Variants in PARD3B observed in about 807,000 individuals in gnomAD.
PARD3B encodes partitioning defective 3 homolog B.
Under a neutral mutation model 130.2 loss-of-function variants are expected in PARD3B, and 103 were observed. That is an observed-to-expected ratio of 0.79 (90% confidence interval 0.67 to 0.93). The LOEUF (loss-of-function observed/expected upper bound fraction) is 0.93, where lower values mean the gene tolerates loss of function less well. Among genes scored for constraint, PARD3B ranks in the 40% least tolerant of loss-of-function variants. PARD3B has a pLI of 0.00. For synonymous variants in PARD3B, 583 were observed against 553.2 expected (o/e 1.05, Z -0.76); for missense variants, 1,609 against 1,499.2 (o/e 1.07, Z -1.21).
chr2:205,319,949 C>T (rs370202477), intron 18 of PARD3B, among the ~76,000 whole-genome samples: 7 of 152,062 alleles, frequency 4.6e-5, no homozygotes, highest in East Asian at 3.9e-4. Context: ...GAGGCCAAGG[C>T]GGGCAGATCA....
intron 1 of PARD3B, among the ~76,000 whole-genome samples, chr2:204,582,225 C>G (rs1473762063): frequency 6.6e-6 from 1 of 152,156 alleles, no homozygotes; most frequent in African/African-American, 2.4e-5. Flanking sequence ...TTGCCCTTAT[C>G]TTTAGTGACT....
At chr2:205,103,966 C>T (rs561444351) in intron 4 of PARD3B, among the ~76,000 whole-genome samples, 1 of 152,270 alleles carries the variant, frequency 6.6e-6, no homozygotes, top group South Asian at 2.1e-4. Context: ...GTGTTTCTGC[C>T]TGACTTTGAC....
At chr2:204,808,374 C>T (rs941029588) in intron 2 of PARD3B, among the ~76,000 whole-genome samples, 1 of 152,088 alleles carries the variant, frequency 6.6e-6, no homozygotes, top group African/African-American at 2.4e-5. Flanking sequence ...AGTACACATA[C>T]AGGTTTATTA....
intron 1 of PARD3B, among the ~76,000 whole-genome samples, chr2:204,599,757 C>T (rs1298193627): frequency 6.6e-6 from 1 of 151,918 alleles, no homozygotes; most frequent in Non-Finnish European, 1.5e-5. Context: ...CTAGAGGAAC[C>T]TCCATACTGT....
chr2:204,712,734 T>A (rs553613477), intron 2 of PARD3B, among the ~76,000 whole-genome samples: 2 of 149,034 alleles, frequency 1.3e-5, no homozygotes, highest in Admixed American at 1.3e-4. Flanking sequence ...CAAAGAAAAA[T>A]CATGTATCAT....
intron 1 of PARD3B, among the ~76,000 whole-genome samples, chr2:204,562,489 C>T (rs780795805): frequency 7.9e-5 from 12 of 152,144 alleles, no homozygotes; most frequent in Admixed American, 4.6e-4. Context: ...GATCTTGAGA[C>T]TTGTGTATGG....
intron 21 of PARD3B, among the ~76,000 whole-genome samples, chr2:205,536,182 T>G (rs1007816917): frequency 1.3e-5 from 2 of 152,138 alleles, no homozygotes; most frequent in Non-Finnish European, 2.9e-5. Context: ...TTGAGAATTG[T>G]GAGGTGGAAC....
intron 11 of PARD3B, 139 bp from the exon 12 acceptor site, chr2:205,172,072 T>C (rs974966087): frequency 9.0e-6 from 7 of 777,012 alleles, no homozygotes; most frequent in African/African-American, 3.5e-5. Context: ...TTTTCTGCCA[T>C]GGAAAATAAA....
rs2105878396 is a variant in PARD3B, at chr2:205,292,706, T to A, written c.2186-7824T>A. On this transcript the variant is annotated intron_variant, in intron 16 of 22. Coordinates refer to ENST00000406610, the MANE Select transcript of PARD3B (RefSeq NM_001302769.2). This position sits in a 1 kb window ranked among gnomAD's most constrained non-coding sequence, Gnocchi z 5.3. ...TCCTGCCCATCCTCCCACCTTTTTT[T>A]CTAGTTTTCTCTCATCATGAACATA... 6.6e-6 allele frequency among the ~76,000 whole-genome samples: 1 copy of A among 152,330 alleles called. No homozygotes were observed. Among genetic ancestry groups the A allele is most frequent in the East Asian group, 1.9e-4 (1 of 5,174 alleles).
At chr2:205,188,783 CAAAAAAAAAAA>C (rs68034154) in intron 14 of PARD3B, among the ~76,000 whole-genome samples, 1 of 97,400 alleles carries the variant, frequency 1.0e-5, no homozygotes. Flanking sequence ...TTCTGCCTTT[CAAAAAAAAAAA>C]AAAAAAAAAG....
chr2:204,811,983 G>A (rs575739832), intron 2 of PARD3B, among the ~76,000 whole-genome samples: 1 of 152,052 alleles, frequency 6.6e-6, no homozygotes, highest in Non-Finnish European at 1.5e-5. Context: ...CGGAATTAAA[G>A]TAATGATCAT....
At chr2:205,204,611 T>G (rs180927134) in intron 15 of PARD3B, among the ~76,000 whole-genome samples, 15 of 152,310 alleles carry the variant, frequency 9.8e-5, no homozygotes, top group Admixed American at 9.2e-4. Context: ...TAATCCATCT[T>G]GAGTTAATTT....
rs80233187 is a variant in PARD3B at position 205,190,473 on chromosome 2, C to G, written c.2025-2732C>G. Among the ~76,000 whole-genome samples the G allele has an allele frequency of 3.7e-3, 565 of 152,270 alleles. 19 individuals are homozygous for G. In the East Asian group the frequency reaches 0.088, roughly 24 times the overall value. On this transcript the variant is annotated intron_variant, in intron 14 of 22. Transcript: ENST00000406610. ...ACAAAAAGCAAACCTAAAATGTAAG[C>G]CACATAGTAAAAGGTGAGCAAGTCT...
In PARD3B at chr2:205,021,803, ACAGGGAACT is replaced by A. The variant is rs1439276824; in HGVS notation, c.395-25773_395-25765del. ...AATATATCAAGTCAATGGCAGAAAC[ACAGGGAACT>A]CAGGTCCCTTGGATTCTGTAGCACT... On this transcript the variant is annotated intron_variant, in intron 3 of 22. Coordinates refer to ENST00000406610, the MANE Select transcript of PARD3B (RefSeq NM_001302769.2). The surrounding 1 kb of genome is among the most constrained non-coding windows in gnomAD (Gnocchi z 4.5). 1.3e-5 allele frequency among the ~76,000 whole-genome samples: 2 copies of A among 152,172 alleles called. No individual in the cohort carries two copies. The highest frequency in any genetic ancestry group is 2.9e-5 in the Non-Finnish European group (2 of 68,032).
Position 205,332,020 on chromosome 2 carries a change from G to A in PARD3B, c.2630+30319G>A, listed in dbSNP as rs149553917. ...CTCGGGAAACCGAGGCAGGAGAATC[G>A]CGTGAACCCGGGAGGTGGAAGTTAC... On this transcript the variant is annotated intron_variant, in intron 18 of 22. Coordinates refer to ENST00000406610, the MANE Select transcript of PARD3B (RefSeq NM_001302769.2). 5.0e-3 allele frequency among the ~76,000 whole-genome samples: 756 copies of A among 152,044 alleles called. 5 individuals are homozygous for A. The highest frequency in any genetic ancestry group is 0.017 in the African/African-American group (724 of 41,430).
chr2:205,208,709 G>T (rs1281157351), intron 15 of PARD3B, among the ~76,000 whole-genome samples: 2 of 143,828 alleles, frequency 1.4e-5, no homozygotes, highest in Non-Finnish European at 3.0e-5. Flanking sequence ...ACTGCTCAAT[G>T]AAATAAAAGA....
intron 18 of PARD3B, among the ~76,000 whole-genome samples, chr2:205,385,198 A>C (rs2045619009): frequency 6.6e-6 from 1 of 152,108 alleles, no homozygotes; most frequent in Admixed American, 6.6e-5. Context: ...ATAAATTACC[A>C]AATTCAAGTG....
At chr2:205,602,022 T>C (rs1472489264) in intron 22 of PARD3B, among the ~76,000 whole-genome samples, 2 of 152,330 alleles carry the variant, frequency 1.3e-5, no homozygotes, top group South Asian at 2.1e-4. Flanking sequence ...TTGTGATATA[T>C]GGCTTTTATT....
chr2:205,122,027 AT>A lies in PARD3B; in HGVS notation c.1165+81del. On this transcript the variant is annotated intron_variant, in intron 8 of 22. Coordinates refer to ENST00000406610, the MANE Select transcript of PARD3B (RefSeq NM_001302769.2). The surrounding 1 kb of genome is among the most constrained non-coding windows in gnomAD (Gnocchi z 4.3). ...GGTTAAGAGAAATGCATTAAGGCTA[AT>A]TTAGTTAATTCTCCCTTCATTTAAT... 8.3e-7 allele frequency: 1 copy of A among 1,201,510 alleles called. No individual in the cohort carries two copies. The highest frequency in any genetic ancestry group is 1.2e-6 in the Non-Finnish European group (1 of 866,918). 74.4% of individuals were successfully genotyped at this position (1,201,510 alleles called of 1,614,324 possible). A position where few individuals can be genotyped will look rare whatever the true frequency, so the allele number is the denominator to read the frequency against.
Sources: allele counts gnomAD v4.1 joint callset (sites outside exome capture counted in the v4.1 genomes callset), GRCh38; gene constraint gnomAD v4.1.1; non-coding constraint Gnocchi (gnomAD v3.1); transcripts MANE v1.5; gene names NCBI Gene and HGNC (gene_info 2026-07-23, HGNC 2026-07-21).